Variants in SYNE1 observed in about 807,000 individuals in gnomAD.
SYNE1 encodes the protein spectrin repeat containing nuclear envelope protein 1.
In SYNE1, 616 loss-of-function variants were observed where a neutral mutation model predicts 1,111.0. That is an observed-to-expected ratio of 0.55 (90% CI 0.52 to 0.59). The LOEUF (loss-of-function observed/expected upper bound fraction) is 0.59. Ranked by LOEUF, SYNE1 falls within the 20% of genes least tolerant of loss-of-function variation. SYNE1 has a pLI of 0.00. For missense variants in SYNE1, 10,006 were observed against 10,417.0 expected (o/e 0.96, Z 1.72); for synonymous variants, 3,855 against 3,825.8 (o/e 1.01, Z -0.28).
chr6:152,538,599 T>C (rs2099254951), intron 4 of SYNE1, among the ~76,000 whole-genome samples: 1 of 150,200 alleles, frequency 6.7e-6, no homozygotes, highest in Non-Finnish European at 1.5e-5. Flanking sequence ...CTCTGTACAC[T>C]ATGAAAAAAT....
intron 83 of SYNE1, 120 bp downstream of exon 83, chr6:152,321,601 A>G: frequency 2.2e-6 from 3 of 1,363,236 alleles, no homozygotes; most frequent in Non-Finnish European, 3.1e-6. Flanking sequence ...TCTTTTATAT[A>G]ACACACTTCT....
At chr6:152,465,147 T>G in intron 18 of SYNE1, 111 bp downstream of exon 18, 1 of 1,246,688 alleles carries the variant, frequency 8.0e-7, no homozygotes, top group Non-Finnish European at 1.2e-6. Flanking sequence ...AAAGTCAAGA[T>G]TCTTGAGTGA....
chr6:152,563,185 A>T (rs1432598358), intron 3 of SYNE1, among the ~76,000 whole-genome samples: 2 of 152,134 alleles, frequency 1.3e-5, no homozygotes, highest in African/African-American at 4.8e-5. Context: ...CACCTATTTT[A>T]CTGATTTTGG....
At chr6:152,520,159 A>G (rs1488564081) in intron 6 of SYNE1, among the ~76,000 whole-genome samples, 2 of 152,200 alleles carry the variant, frequency 1.3e-5, no homozygotes, top group Non-Finnish European at 2.9e-5. Flanking sequence ...ATGAACTTGG[A>G]CTAATGTCTA....
intron 21 of SYNE1, among the ~76,000 whole-genome samples, chr6:152,460,799 CTTTTTTTTTTTTTTT>C (rs869295894): frequency 4.4e-5 from 3 of 67,538 alleles, no homozygotes; most frequent in East Asian, 4.3e-4. Context: ...TGTATATAAT[CTTTTTTTTTTTTTTT>C]TTTTTTTTTT....
intron 3 of SYNE1, among the ~76,000 whole-genome samples, chr6:152,603,271 A>G (rs1454600688): frequency 1.3e-5 from 2 of 152,118 alleles, no homozygotes; most frequent in Non-Finnish European, 2.9e-5. Context: ...TATATATTAC[A>G]TCAGAGTTGA....
chr6:152,326,351 G>A lies in SYNE1; in HGVS notation c.15238C>T (p.Leu5080Phe). ...TCCCGGCTCATCCTCTGGCTCCTGA[G>A]TTCCAGAGAAGCCACTTTCTGTTCT... ...DLEQKVASLE[L>F]RSQRMSRDSG... The change falls in exon 79 of 146, where the codon CTC becomes TTC. Residue 5080 changes from leucine to phenylalanine, a missense_variant. By Grantham distance (22) the Leu-to-Phe change is conservative. Coordinates refer to ENST00000367255, the MANE Select transcript of SYNE1 (RefSeq NM_182961.4). 6.2e-7 allele frequency: 1 copy of A among 1,614,152 alleles called. No individual in the cohort carries two copies. Among genetic ancestry groups the A allele is most frequent in the Non-Finnish European group, 8.5e-7 (1 of 1,180,006 alleles).
At chr6:152,234,394 A>C (rs2083497530) in intron 111 of SYNE1, among the ~76,000 whole-genome samples, 1 of 152,166 alleles carries the variant, frequency 6.6e-6, no homozygotes, top group South Asian at 2.1e-4. Flanking sequence ...TTCCGGGTTC[A>C]AGCGATTCTC....
intron 96 of SYNE1, among the ~76,000 whole-genome samples, chr6:152,283,672 G>A (rs151132302): frequency 0.016 from 2,506 of 152,218 alleles, 32 homozygotes; most frequent in Middle Eastern, 0.054. Context: ...AAGTAGCTGG[G>A]ACTACAGGCA....
intron 51 of SYNE1, among the ~76,000 whole-genome samples, chr6:152,392,322 A>G (rs1441798690): frequency 4.6e-5 from 7 of 152,122 alleles, no homozygotes; most frequent in African/African-American, 1.7e-4. Context: ...TTCTTGTTAT[A>G]TCTTGTGTAT....
Position 152,381,052 on chromosome 6 carries a change from C to T in SYNE1, c.8963G>A (p.Gly2988Asp), listed in dbSNP as rs1408420827. 2 of 1,614,184 alleles carry T rather than the reference C, an allele frequency of 1.2e-6. No individual in the cohort carries two copies. Among genetic ancestry groups the T allele is most frequent in the South Asian group, 2.2e-5 (2 of 91,086 alleles). Residue 2988 changes from glycine to aspartate, a missense_variant, in exon 56 of 146, where the codon GGC becomes GAC. Gly to Asp is a moderately conservative substitution (Grantham distance 94). This residue lies in a region of SYNE1 where 4,955 missense variants were observed against 5,017.2 expected (regional missense o/e 0.99). Transcript: ENST00000367255. ...TWAQQLTLLEGKNTDEEIVEC... is the reference protein window; with the variant it reads ...TWAQQLTLLEDKNTDEEIVEC... ...CACTATCTCCTCATCCGTGTTCTTG[C>T]CTTCCAGGAGGGTTAACTGCTGAGC...
chr6:152,636,424 C>T (rs1216283818), intron 2 of SYNE1, among the ~76,000 whole-genome samples: 2 of 152,128 alleles, frequency 1.3e-5, no homozygotes, highest in African/African-American at 4.8e-5. Flanking sequence ...GTACGAGATG[C>T]AAAGAGGCTC....
At position 152,122,402 on chromosome 6, in the gene SYNE1, C is replaced by G. The variant is rs1266009579; in HGVS notation, c.*34G>C. On this transcript the variant is annotated 3_prime_UTR_variant, in exon 146 of 146. Transcript: ENST00000367255. Reference sequence around the variant, plus strand: ...TGCTTATGACCCGATCCTCCTTATGCTACCAGCACTTCTGCAGATGGCATC... The same window carrying G: ...TGCTTATGACCCGATCCTCCTTATGGTACCAGCACTTCTGCAGATGGCATC... 2 of 1,613,872 alleles carry G rather than the reference C, an allele frequency of 1.2e-6. No individual in the cohort carries two copies. The highest frequency in any genetic ancestry group is 8.5e-7 in the Non-Finnish European group (1 of 1,180,038).
chr6:152,602,965 T>C (rs1441732261), intron 3 of SYNE1, among the ~76,000 whole-genome samples: 1 of 152,022 alleles, frequency 6.6e-6, no homozygotes, highest in African/African-American at 2.4e-5. Context: ...AAACAAGCCA[T>C]ACCCATAAAA....
Position 152,339,337 on chromosome 6 carries a change from C to T in SYNE1, c.12255G>A (p.Gln4085=), listed in dbSNP as rs145401144. The change falls in exon 75 of 146, where the codon CAG becomes CAA. Residue 4085 remains glutamine, a synonymous_variant. Coordinates refer to ENST00000367255, the MANE Select transcript of SYNE1 (RefSeq NM_182961.4). ...AAAGGAGATCTAGGTAGGTCCTTGCCTGCTCTTGCAAAGCTCTGAAGTGTT... is the reference window on the plus strand; with the variant it reads ...AAAGGAGATCTAGGTAGGTCCTTGCTTGCTCTTGCAAAGCTCTGAAGTGTT... ...QVKHFRALQE[Q]ARTYLDLLCS... The T allele has an allele frequency of 1.0e-4, 169 of 1,613,976 alleles. 1 individual carries two copies. The African/African-American group carries it at 2.1e-3, about 20-fold the overall frequency.
At chr6:152,214,638 T>C (rs1161817595) in intron 122 of SYNE1, among the ~76,000 whole-genome samples, 1 of 152,194 alleles carries the variant, frequency 6.6e-6, no homozygotes, top group African/African-American at 2.4e-5. Flanking sequence ...TCAGCACTGT[T>C]GTCCTTCTGC....
At chr6:152,573,352 C>T (rs1228062351) in intron 3 of SYNE1, among the ~76,000 whole-genome samples, 1 of 137,272 alleles carries the variant, frequency 7.3e-6, no homozygotes, top group Non-Finnish European at 1.6e-5. Flanking sequence ...CCACAACAGG[C>T]CCTGGTGTGT....
chr6:152,156,288 A>C (rs936516536), intron 131 of SYNE1, among the ~76,000 whole-genome samples, 191 bp from the exon 132 acceptor site: 1 of 152,256 alleles, frequency 6.6e-6, no homozygotes, highest in Non-Finnish European at 1.5e-5. Context: ...GGATGTAGAA[A>C]TATTTTGGCT....
chr6:152,373,454 G>C (rs1236614510), intron 58 of SYNE1, among the ~76,000 whole-genome samples: 1 of 151,736 alleles, frequency 6.6e-6, no homozygotes, highest in African/African-American at 2.4e-5. Flanking sequence ...TAATTTTTTT[G>C]TATTTTTAGT....
Sources: gnomAD v4.1 joint callset for allele counts (sites outside exome capture counted in the v4.1 genomes callset) on GRCh38, gnomAD v4.1.1 for gene constraint, gnomAD v4.1.1 regional missense constraint, MANE v1.5 for transcripts, NCBI Gene and HGNC (gene_info 2026-07-23, HGNC 2026-07-21) for gene names.